The following RRP15 variants were observed in gnomAD, a reference collection of about 807,000 sequenced individuals.
RRP15 encodes ribosomal RNA processing 15 homolog, also known as RRP15-like protein.
In RRP15, 18 loss-of-function variants were observed where a neutral mutation model predicts 27.1. The ratio of observed to expected loss-of-function variants is 0.66; its 90% CI spans 0.46 to 0.98. RRP15 has a LOEUF of 0.98. Among genes scored for constraint, RRP15 ranks in the 50% least tolerant of loss-of-function variants. RRP15 has a pLI of 0.00. For missense variants in RRP15, 359 were observed against 337.8 expected (o/e 1.06, Z -0.49); for synonymous variants, 107 against 109.4 (o/e 0.98, Z 0.14).
chr1:218,293,410 C>T (rs1655675118), intron 1 of RRP15, among the ~76,000 whole-genome samples: 1 of 152,128 alleles, frequency 6.6e-6, no homozygotes, highest in South Asian at 2.1e-4. Flanking sequence ...TTATCAAAAA[C>T]TTTTATATGA....
intron 1 of RRP15, among the ~76,000 whole-genome samples, chr1:218,297,385 T>C (rs189822697): frequency 6.6e-6 from 1 of 152,318 alleles, no homozygotes; most frequent in Admixed American, 6.5e-5. Context: ...TGTGAGTGTA[T>C]TTCTGCATGT....
At chr1:218,295,906 A>C (rs996586583) in intron 1 of RRP15, among the ~76,000 whole-genome samples, 1 of 152,090 alleles carries the variant, frequency 6.6e-6, no homozygotes, top group Non-Finnish European at 1.5e-5. Context: ...ATTTTTTCAA[A>C]GGTAACTTTT....
chr1:218,315,924 T>G (rs1263902643), intron 4 of RRP15, among the ~76,000 whole-genome samples: 1 of 152,214 alleles, frequency 6.6e-6, no homozygotes, highest in Non-Finnish European at 1.5e-5. Flanking sequence ...TTCAGCTTAA[T>G]GTTTGTTTAC....
chr1:218,303,923 C>T (rs1309718417), intron 2 of RRP15, among the ~76,000 whole-genome samples: 2 of 152,064 alleles, frequency 1.3e-5, no homozygotes, highest in East Asian at 1.9e-4. Flanking sequence ...AAGAATGTTT[C>T]AGGATTAAGC....
chr1:218,304,925 G>A (rs1655873253), intron 2 of RRP15, 103 bp from the exon 3 acceptor site: 2 of 1,085,764 alleles, frequency 1.8e-6, no homozygotes, highest in Middle Eastern at 2.2e-4. Flanking sequence ...AACTAAGCCA[G>A]AATGATTTAT....
chr1:218,315,713 C>G (rs1656080680), intron 4 of RRP15, among the ~76,000 whole-genome samples: 1 of 151,796 alleles, frequency 6.6e-6, no homozygotes, highest in Admixed American at 6.6e-5. Flanking sequence ...ACCTGGGCCT[C>G]CCAAAGTGCT....
Position 218,300,955 on chromosome 1 carries a change from C to T in RRP15, c.140-1339C>T, listed in dbSNP as rs1271162470. 3.3e-5 allele frequency among the ~76,000 whole-genome samples: 5 copies of T among 152,296 alleles called. No homozygotes were observed. In the South Asian group the frequency reaches 1.0e-3, roughly 32 times the overall value. ...AAAGTAAGGAGCAGCAGGAAACCTG[C>T]TTATGCCTTGGCCTTTTTCTTCTAG... On this transcript the variant is annotated intron_variant, in intron 1 of 4. Transcript: ENST00000366932.
At chr1:218,289,950 G>A (rs1655608528) in intron 1 of RRP15, among the ~76,000 whole-genome samples, 1 of 152,186 alleles carries the variant, frequency 6.6e-6, no homozygotes. Flanking sequence ...CCAAAGTGCT[G>A]GGATTACAGG....
intron 4 of RRP15, among the ~76,000 whole-genome samples, chr1:218,309,011 A>T (rs367615024): frequency 6.6e-6 from 1 of 152,046 alleles, no homozygotes; most frequent in South Asian, 2.1e-4. Context: ...TTGCTTTGGG[A>T]TTATTTCTTT....
chr1:218,321,990 C>T (rs1486139295), intron 4 of RRP15, among the ~76,000 whole-genome samples: 1 of 151,926 alleles, frequency 6.6e-6, no homozygotes, highest in African/African-American at 2.4e-5. Flanking sequence ...TAATTTACTC[C>T]AAATCTTTTA....
intron 2 of RRP15, among the ~76,000 whole-genome samples, chr1:218,303,861 A>G (rs957246797): frequency 9.2e-5 from 14 of 152,232 alleles, no homozygotes; most frequent in Non-Finnish European, 1.9e-4. Context: ...TGGTTTTCCA[A>G]TATATCAGCT....
chr1:218,325,676 A>G (rs951619090), intron 4 of RRP15, among the ~76,000 whole-genome samples: 6 of 152,120 alleles, frequency 3.9e-5, no homozygotes, highest in African/African-American at 7.2e-5. Flanking sequence ...GAAGTTTTAC[A>G]ATAATATTCT....
chr1:218,306,221 G>T (rs12076064), intron 3 of RRP15, among the ~76,000 whole-genome samples: 7,633 of 152,182 alleles, frequency 0.05, 648 homozygotes, highest in African/African-American at 0.17. Flanking sequence ...TTGGATCAAA[G>T]ACAAAGGACT....
At chr1:218,304,161 A>G (rs1299418505) in intron 2 of RRP15, among the ~76,000 whole-genome samples, 3 of 152,248 alleles carry the variant, frequency 2.0e-5, no homozygotes, top group Non-Finnish European at 4.4e-5. Flanking sequence ...TTTCATTAAT[A>G]CAAAATGAGA....
At chr1:218,296,770 G>A (rs1359360115) in intron 1 of RRP15, among the ~76,000 whole-genome samples, 1 of 151,990 alleles carries the variant, frequency 6.6e-6, no homozygotes, top group Non-Finnish European at 1.5e-5. Flanking sequence ...ACAGTACTTT[G>A]GAAAGGTTGT....
intron 1 of RRP15, among the ~76,000 whole-genome samples, chr1:218,291,261 A>G (rs1266004291): frequency 6.6e-6 from 1 of 151,892 alleles, no homozygotes; most frequent in Middle Eastern, 3.2e-3. Flanking sequence ...AACATGGCAA[A>G]ACCCATCTCT....
chr1:218,294,636 C>G (rs1655693330), intron 1 of RRP15, among the ~76,000 whole-genome samples: 1 of 151,976 alleles, frequency 6.6e-6, no homozygotes, highest in African/African-American at 2.4e-5. Context: ...TATCCAGAAG[C>G]TCTCTGAACC....
At chr1:218,323,779 G>T (rs1571808387) in intron 4 of RRP15, among the ~76,000 whole-genome samples, 1 of 152,224 alleles carries the variant, frequency 6.6e-6, no homozygotes, top group African/African-American at 2.4e-5. Context: ...GCAGGGGCCT[G>T]GCATGTCAGC....
chr1:218,320,745 A>G (rs895802877), intron 4 of RRP15, among the ~76,000 whole-genome samples: 16 of 152,142 alleles, frequency 1.1e-4, no homozygotes, highest in African/African-American at 3.6e-4. Context: ...AAATGAAATT[A>G]AAACAAAACA....
Sources: allele counts gnomAD v4.1 joint callset (sites outside exome capture counted in the v4.1 genomes callset), GRCh38; gene constraint gnomAD v4.1.1; transcripts MANE v1.5; gene names NCBI Gene and HGNC (gene_info 2026-07-23, HGNC 2026-07-21).